HYDIN: variants seen among roughly 807,000 people sequenced by gnomAD.
The protein encoded by HYDIN is axonemal central pair apparatus protein HYDIN.
Under a neutral mutation model 403.9 loss-of-function variants are expected in HYDIN, and 132 were observed. That is an observed-to-expected ratio of 0.33 (90% CI 0.28 to 0.38). The LOEUF (loss-of-function observed/expected upper bound fraction) is 0.38, where lower values mean the gene tolerates loss of function less well. HYDIN is among the 10% of genes least tolerant of loss of function. The probability of loss-of-function intolerance (pLI) is 1.00; values close to 1 mark genes in which losing one functional copy is unlikely to be tolerated. For missense variants in HYDIN, 2,827 were observed against 5,009.5 expected, an observed-to-expected ratio of 0.56 and a Z score of 13.15; for synonymous variants, 1,202 against 1,891.7, an observed-to-expected ratio of 0.64 and a Z score of 9.46.
chr16:71,057,463 C>T (rs1467085469), intron 18 of HYDIN, among the ~76,000 whole-genome samples: 2 of 152,128 alleles, frequency 1.3e-5, no homozygotes, highest in Admixed American at 6.6e-5. Flanking sequence ...GCAGAAAATG[C>T]CATTCCTTAA....
chr16:70,855,773 T>C (rs2038986099), intron 72 of HYDIN, among the ~76,000 whole-genome samples: 1 of 152,302 alleles, frequency 6.6e-6, no homozygotes, highest in Non-Finnish European at 1.5e-5. Flanking sequence ...AGACCATTCA[T>C]TTTCCCACAT....
chr16:71,171,876 C>T (rs1156435597), intron 5 of HYDIN, among the ~76,000 whole-genome samples: 1 of 152,198 alleles, frequency 6.6e-6, no homozygotes, highest in African/African-American at 2.4e-5. Context: ...ACTTATCTCA[C>T]TCCACAAATA....
At chr16:71,175,513 CA>C in intron 5 of HYDIN, 93 bp downstream of exon 5, 1 of 1,313,076 alleles carries the variant, frequency 7.6e-7, no homozygotes, top group Non-Finnish European at 1.1e-6. Context: ...CCACCACCAC[CA>C]CCACCACCAG....
intron 1 of HYDIN, among the ~76,000 whole-genome samples, chr16:71,219,740 A>G (rs540157678): frequency 6.6e-6 from 1 of 152,238 alleles, no homozygotes; most frequent in South Asian, 2.1e-4. Flanking sequence ...TGATATGTCA[A>G]TTTTCCTCAC....
intron 18 of HYDIN, among the ~76,000 whole-genome samples, chr16:71,059,619 G>A (rs2082016160): frequency 6.6e-6 from 1 of 151,826 alleles, no homozygotes; most frequent in Admixed American, 6.6e-5. Context: ...AGAGACACTG[G>A]GGCCTACTTG....
intron 5 of HYDIN, among the ~76,000 whole-genome samples, chr16:71,170,454 C>CTA (rs2086417561): frequency 6.6e-6 from 1 of 152,090 alleles, no homozygotes; most frequent in Non-Finnish European, 1.5e-5. Context: ...AAAATTGAAT[C>CTA]TAATCAAGGC....
intron 50 of HYDIN, among the ~76,000 whole-genome samples, chr16:70,905,000 T>TTAA (rs1371841438): frequency 6.6e-6 from 1 of 151,782 alleles, no homozygotes; most frequent in Non-Finnish European, 1.5e-5. Flanking sequence ...GGAGACTCAG[T>TTAA]TAATAGTAAC....
rs565637715 is a variant in HYDIN, at chr16:71,076,143, T to C, written c.1738+3742A>G. Among the ~76,000 whole-genome samples, 3 of 152,268 alleles carry C rather than the reference T, an allele frequency of 2.0e-5. No individual in the cohort carries two copies. In the East Asian group the frequency reaches 5.8e-4, roughly 29 times the overall value. On this transcript the variant is annotated intron_variant, in intron 13 of 85. Transcript: ENST00000393567. ...CCAGGCAACCATACCTCAATGGCTA[T>C]GAAGGGAGAAGAGAGATTAACTTCA...
At chr16:70,818,608 G>A (rs2036007568) in intron 83 of HYDIN, 36 bp from the exon 84 acceptor site, 1 of 718,756 alleles carries the variant, frequency 1.4e-6, no homozygotes, top group African/African-American at 1.8e-5. Context: ...AAGGAGGGAA[G>A]AGTAGGGGTG....
chr16:70,819,877 A>G (rs913356892), intron 83 of HYDIN, among the ~76,000 whole-genome samples: 124 of 150,028 alleles, frequency 8.3e-4, no homozygotes, highest in Admixed American at 1.4e-3. Context: ...GCGCCATCTC[A>G]GCTCACTGCA....
intron 3 of HYDIN, among the ~76,000 whole-genome samples, chr16:71,180,030 AC>A (rs1160978926): frequency 6.6e-6 from 1 of 152,220 alleles, no homozygotes; most frequent in African/African-American, 2.4e-5. Flanking sequence ...CATGACAAAA[AC>A]AGGAGAGGAA....
rs2079156507 is a variant in HYDIN, at chr16:70,985,266, G to A, written c.4251C>T (p.Gly1417=). 1 of 1,549,738 alleles carries A rather than the reference G, an allele frequency of 6.5e-7. No individual in the cohort carries two copies. Among genetic ancestry groups the A allele is most frequent in the Non-Finnish European group, 8.9e-7 (1 of 1,125,244 alleles). ...GGTCAGTCAGAACCTTGAACTCAAAGCCAACTTTCCCCATGTTCGTCAGCG... is the reference window on the plus strand; with the variant it reads ...GGTCAGTCAGAACCTTGAACTCAAAACCAACTTTCCCCATGTTCGTCAGCG... The part of the protein sequence containing the change: ...EITLTNMGKV[G]FEFKVLTDHQ... Residue 1417 remains glycine (G), a synonymous_variant, in exon 28 of 86, where the codon GGC becomes GGT. Transcript: ENST00000393567.
intron 55 of HYDIN, 125 bp downstream of exon 55, chr16:70,894,324 C>T (rs1291617681): frequency 8.6e-5 from 116 of 1,348,974 alleles, no homozygotes; most frequent in Non-Finnish European, 9.1e-5. Context: ...CACGCTATTC[C>T]CCACGGTGGA....
At chr16:71,183,265 G>A (rs1361188643) in intron 3 of HYDIN, among the ~76,000 whole-genome samples, 2 of 151,992 alleles carry the variant, frequency 1.3e-5, no homozygotes, top group Non-Finnish European at 2.9e-5. Context: ...ACAGAGGATA[G>A]CCTAATGAAT....
In HYDIN at chr16:71,088,484, T is replaced by A. The variant is rs1406098194; in HGVS notation, c.1487A>T (p.Asn496Ile). Residue 496 changes from asparagine (N) to isoleucine (I), a missense_variant, in exon 12 of 86, where the codon AAC becomes ATC. Asn to Ile is a moderately radical substitution (Grantham distance 149). Transcript: ENST00000393567. Reference protein sequence around the residue: ...YNKGSIDALFNMTPPTSALGA... With the variant: ...YNKGSIDALFIMTPPTSALGA... ...CAAAGCTGAAGTTGGAGGGGTCATG[T>A]TGAAGAGAGCATCGATGCTGCCTTT... is the stretch of plus-strand genomic sequence containing the variant. 1 of 690,826 alleles carries A rather than the reference T, an allele frequency of 1.4e-6. No homozygotes were observed. Among genetic ancestry groups the A allele is most frequent in the Non-Finnish European group, 2.5e-6 (1 of 401,714 alleles). The allele number at this position is 690,826 out of a possible 1,614,324, so 42.8% of individuals were successfully genotyped here.
chr16:70,833,891 C>G lies in HYDIN; in HGVS notation c.13675G>C (p.Ala4559Pro). 1 of 1,610,830 alleles carries G rather than the reference C, an allele frequency of 6.2e-7. No individual in the cohort carries two copies. The highest frequency in any genetic ancestry group is 8.5e-7 in the Non-Finnish European group (1 of 1,179,108). ...ILMMNTGDVG[A>P]RFKWDIKKFE... ...TGGGAGACACTGCTCCCTTACCTTG[C>G]ACCCACATCGCCTGTGTTCATCATG... The change falls in exon 79 of 86, where the codon GCA (alanine) becomes CCA (proline). Residue 4559 changes from alanine to proline, a missense_variant. By Grantham distance (27) the Ala-to-Pro change is conservative. Coordinates refer to ENST00000393567, the MANE Select transcript of HYDIN (RefSeq NM_001270974.2).
At chr16:70,949,491 C>T (rs1265685008) in intron 41 of HYDIN, among the ~76,000 whole-genome samples, 5 of 151,942 alleles carry the variant, frequency 3.3e-5, no homozygotes, top group African/African-American at 1.2e-4. Flanking sequence ...AACAAAAAAA[C>T]CCAAAAGATC....
chr16:70,810,912 C>A (rs893969431), intron 84 of HYDIN, among the ~76,000 whole-genome samples: 2 of 152,026 alleles, frequency 1.3e-5, no homozygotes, highest in African/African-American at 2.4e-5. Context: ...TGGAAGAAAG[C>A]AGGTTCCAGA....
chr16:70,823,789 C>T, intron 83 of HYDIN, among the ~76,000 whole-genome samples: 1 of 149,470 alleles, frequency 6.7e-6, no homozygotes. Flanking sequence ...TGCACTGGTC[C>T]CTTCTCTCTG....
Sources: gnomAD v4.1 joint callset for allele counts (sites outside exome capture counted in the v4.1 genomes callset) on GRCh38, gnomAD v4.1.1 for gene constraint, MANE v1.5 for transcripts, NCBI Gene and HGNC (gene_info 2026-07-23, HGNC 2026-07-21) for gene names.